Variants in RAI1 observed in about 807,000 individuals in gnomAD.
RAI1 encodes retinoic acid induced 1, also known as retinoic acid-induced protein 1.
RAI1 carries 9 observed loss-of-function variants against 123.8 expected under a neutral mutation model. That is an observed-to-expected ratio of 0.07 (90% CI 0.04 to 0.13). The LOEUF (loss-of-function observed/expected upper bound fraction) is 0.13, where lower values mean the gene tolerates loss of function less well. Among genes scored for constraint, RAI1 ranks in the 10% least tolerant of loss-of-function variants. The pLI is 1.00. For missense variants in RAI1, 2,256 were observed against 2,545.8 expected (o/e 0.89, Z 2.45); for synonymous variants, 1,231 against 1,127.3 (o/e 1.09, Z -1.84).
At position 17,746,396 on chromosome 17, in the gene RAI1, C is replaced by T. The variant is rs964495893; in HGVS notation, c.-17+22237C>T. 5.9e-5 allele frequency among the ~76,000 whole-genome samples: 9 copies of T among 152,196 alleles called. No homozygotes were observed. The East Asian group carries it at 9.7e-4, about 16-fold the overall frequency. On this transcript the variant is annotated intron_variant, in intron 2 of 5. Coordinates refer to ENST00000353383, the MANE Select transcript of RAI1 (RefSeq NM_030665.4). ...GAGCGAGGCAGGCAGCGGACTGGGT[C>T]GGTCTGGCTCTGGGCAGGAGGTAGA...
At chr17:17,765,489 G>A (rs1048897215) in intron 2 of RAI1, among the ~76,000 whole-genome samples, 4 of 152,252 alleles carry the variant, frequency 2.6e-5, no homozygotes, top group Non-Finnish European at 5.9e-5. Flanking sequence ...CCAGACACAT[G>A]AGGCTGAGTG....
At chr17:17,783,464 G>A (rs1464763763) in intron 2 of RAI1, among the ~76,000 whole-genome samples, 1 of 151,924 alleles carries the variant, frequency 6.6e-6, no homozygotes, top group Non-Finnish European at 1.5e-5. Context: ...TGCCCCTGAG[G>A]GAGTCCTGCG....
intron 2 of RAI1, among the ~76,000 whole-genome samples, chr17:17,742,898 A>G (rs1024045173): frequency 2.0e-5 from 3 of 151,890 alleles, no homozygotes; most frequent in East Asian, 1.9e-4. Context: ...CTGCTCTCCA[A>G]CCTGGGAACA....
At chr17:17,712,180 T>C (rs569325966) in intron 1 of RAI1, among the ~76,000 whole-genome samples, 20 of 152,394 alleles carry the variant, frequency 1.3e-4, no homozygotes, top group African/African-American at 4.8e-4. Flanking sequence ...AAATAGTCAC[T>C]GAGCTGCAAC....
chr17:17,729,268 G>A (rs1282800897), intron 2 of RAI1, among the ~76,000 whole-genome samples: 1 of 152,254 alleles, frequency 6.6e-6, no homozygotes, highest in Non-Finnish European at 1.5e-5. Context: ...TTATCTGTCT[G>A]CTGTAAGCCT....
intron 1 of RAI1, among the ~76,000 whole-genome samples, chr17:17,698,354 T>C (rs1008965060): frequency 6.6e-6 from 1 of 152,198 alleles, no homozygotes; most frequent in Admixed American, 6.5e-5. Flanking sequence ...CAAGGAATGA[T>C]GGGAAAATCC....
chr17:17,700,063 A>G (rs1480975718), intron 1 of RAI1, among the ~76,000 whole-genome samples: 1 of 152,004 alleles, frequency 6.6e-6, no homozygotes, highest in Non-Finnish European at 1.5e-5. Context: ...AATCCTTAAA[A>G]CTCACATAAG....
chr17:17,781,512 C>A (rs925708620), intron 2 of RAI1, among the ~76,000 whole-genome samples: 2 of 152,162 alleles, frequency 1.3e-5, no homozygotes, highest in African/African-American at 4.8e-5. Flanking sequence ...CTTCCTGCGG[C>A]CTCATTCCCT....
At chr17:17,684,961 C>T (rs1478132216) in intron 1 of RAI1, 1 of 152,150 alleles carries the variant, frequency 6.6e-6, no homozygotes, top group South Asian at 2.1e-4. Context: ...ACAGTACAGA[C>T]CTCACGGTAC....
chr17:17,709,147 T>G (rs1050426960), intron 1 of RAI1, among the ~76,000 whole-genome samples: 1 of 152,118 alleles, frequency 6.6e-6, no homozygotes, highest in Non-Finnish European at 1.5e-5. Flanking sequence ...CAATGATGAC[T>G]GATGGAGGGC....
intron 4 of RAI1, 188 bp downstream of exon 4, chr17:17,804,037 A>G: frequency 1.4e-6 from 1 of 709,194 alleles, no homozygotes; most frequent in Non-Finnish European, 2.6e-6. Context: ...GGGACATGGA[A>G]ATGAGGCATT....
chr17:17,691,487 G>A (rs548960911), intron 1 of RAI1, among the ~76,000 whole-genome samples: 3 of 152,344 alleles, frequency 2.0e-5, no homozygotes, highest in South Asian at 2.1e-4. Flanking sequence ...AAAAGGTAGC[G>A]GGAAGAAAGA....
intron 1 of RAI1, among the ~76,000 whole-genome samples, chr17:17,699,445 A>G (rs1019003582): frequency 1.3e-5 from 2 of 152,176 alleles, no homozygotes; most frequent in African/African-American, 4.8e-5. Flanking sequence ...TTTTGCCCCA[A>G]AATTGCAGAG....
intron 1 of RAI1, among the ~76,000 whole-genome samples, chr17:17,704,558 C>G (rs1241269043): frequency 2.0e-5 from 3 of 152,158 alleles, no homozygotes; most frequent in Non-Finnish European, 2.9e-5. Context: ...GTTCCGATCT[C>G]AACTCCATCC....
At chr17:17,763,093 A>C (rs1052455914) in intron 2 of RAI1, among the ~76,000 whole-genome samples, 6 of 151,170 alleles carry the variant, frequency 4.0e-5, no homozygotes, top group African/African-American at 1.5e-4. Context: ...TCCAACTTGC[A>C]TTGTCTAAAA....
chr17:17,802,564 C>T (rs2032496245), intron 3 of RAI1, among the ~76,000 whole-genome samples: 1 of 151,426 alleles, frequency 6.6e-6, no homozygotes, highest in Non-Finnish European at 1.5e-5. Context: ...ATCACGAGGT[C>T]AGGAGATCGA....
In RAI1 at chr17:17,809,091, G is replaced by A. The variant is rs1449528173; in HGVS notation, c.5660-299G>A. 3 of 493,198 alleles carry A rather than the reference G, an allele frequency of 6.1e-6. No homozygotes were observed. Among genetic ancestry groups the A allele is most frequent in the Admixed American group, 3.3e-5 (1 of 30,374 alleles). The allele number at this position is 493,198 out of a possible 1,614,324, so 30.6% of individuals were successfully genotyped here. ...GTGGCTGGCAGAGTAAGGCGGGAGG[G>A]AGGGAGGGACTGAGGGACTGCCTCA... On this transcript the variant is annotated intron_variant, in intron 4 of 5. Coordinates refer to ENST00000353383, the MANE Select transcript of RAI1 (RefSeq NM_030665.4). The surrounding 1 kb of genome is among the most constrained non-coding windows in gnomAD (Gnocchi z 4.9).
chr17:17,698,058 C>T (rs2142880563), intron 1 of RAI1, among the ~76,000 whole-genome samples: 1 of 152,318 alleles, frequency 6.6e-6, no homozygotes, highest in South Asian at 2.1e-4. Context: ...GCCTTCCTGC[C>T]CTGCAGTCCA....
Position 17,794,352 on chromosome 17 carries a change from C to G in RAI1, c.1404C>G (p.Leu468=). The change falls in exon 3 of 6, where the codon CTC becomes CTG. Residue 468 remains leucine, a synonymous_variant. Coordinates refer to ENST00000353383, the MANE Select transcript of RAI1 (RefSeq NM_030665.4). The part of the protein sequence containing the change: ...AVPQKKGVKN[L]VSRTPEQHKS... ...CGCAGAAGAAAGGTGTCAAGAACCT[C>G]GTGTCCAGGACCCCAGAGCAGCATA... The G allele has an allele frequency of 6.2e-7, 1 of 1,612,978 alleles. No individual in the cohort carries two copies. The highest frequency in any genetic ancestry group is 8.5e-7 in the Non-Finnish European group (1 of 1,179,986).
Sources: gnomAD v4.1 joint callset for allele counts (sites outside exome capture counted in the v4.1 genomes callset) on GRCh38, gnomAD v4.1.1 for gene constraint, Gnocchi (gnomAD v3.1) non-coding constraint, MANE v1.5 for transcripts, NCBI Gene and HGNC (gene_info 2026-07-23, HGNC 2026-07-21) for gene names.